Variants in SURF1 observed in about 807,000 individuals in gnomAD.
SURF1 encodes the protein surfeit locus protein 1.
SURF1 carries 45 observed loss-of-function variants against 34.1 expected under a neutral mutation model. That is an observed-to-expected ratio of 1.32 (90% CI 1.04 to 1.69). The LOEUF is 1.69. Among genes scored for constraint, SURF1 ranks in the 40% most tolerant of loss-of-function variants. The pLI is 0.00. For missense variants in SURF1, 456 were observed against 384.6 expected (o/e 1.19, Z -1.55); for synonymous variants, 188 against 147.5 (o/e 1.27, Z -1.99).
At position 133,352,765 on chromosome 9, in the gene SURF1, CTCTAGGGT is replaced by C; in HGVS notation, c.516-7_516del. Reference sequence around the variant, plus strand: ...AACCCTCTATTTACCAGGATGGTGACTCTAGGGTAATGAAAGTGCTACTTCAGGTGGGG... The same window carrying C: ...AACCCTCTATTTACCAGGATGGTGACAATGAAAGTGCTACTTCAGGTGGGG... On this transcript the variant is annotated splice_acceptor_variant and splice_polypyrimidine_tract_variant and coding_sequence_variant and intron_variant, in exon 6 of 9. Coordinates refer to ENST00000371974, the MANE Select transcript of SURF1 (RefSeq NM_003172.4). LOFTEE classifies it high-confidence loss of function. The C allele has an allele frequency of 1.2e-6, 2 of 1,610,216 alleles. No homozygotes were observed. The highest frequency in any genetic ancestry group is 1.7e-6 in the Non-Finnish European group (2 of 1,178,710).
At chr9:133,352,845 T>A in intron 5 of SURF1, 79 bp from the exon 6 acceptor site, 6 of 1,425,404 alleles carry the variant, frequency 4.2e-6, no homozygotes, top group Non-Finnish European at 5.8e-6. Flanking sequence ...CAGGCACCCA[T>A]AGGAACAACT....
Position 133,352,534 on chromosome 9 carries a change from A to C in SURF1, c.663T>G (p.Asn221Lys), listed in dbSNP as rs1432236286. The C allele has an allele frequency of 3.1e-6, 5 of 1,614,158 alleles. No individual in the cohort carries two copies. The highest frequency in any genetic ancestry group is 4.2e-6 in the Non-Finnish European group (5 of 1,180,038). Residue 221 changes from asparagine to lysine, a missense_variant, in exon 7 of 9, where the codon AAT becomes AAG. Coordinates refer to ENST00000371974, the MANE Select transcript of SURF1 (RefSeq NM_003172.4). ...GATAATGCCAGTGGTTCCTTTCTGG[A>C]TTGTTCTCAGGGACAAAAGGCTGCC... ...ETRQPFVPEN[N>K]PERNHWHYRD...
At chr9:133,352,787 C>A in intron 5 of SURF1, 21 bp from the exon 6 acceptor site, 1 of 1,603,228 alleles carries the variant, frequency 6.2e-7, no homozygotes, top group South Asian at 1.1e-5. Context: ...GAAAGTGCTA[C>A]TTCAGGTGGG....
chr9:133,356,109 A>C, intron 2 of SURF1, 160 bp downstream of exon 2: 1 of 986,926 alleles, frequency 1.0e-6, no homozygotes, highest in Non-Finnish European at 1.5e-6. Flanking sequence ...CCACAATTCC[A>C]CTGAAAGCAT....
chr9:133,355,520 G>C (rs2130021885), intron 2 of SURF1, among the ~76,000 whole-genome samples: 2 of 152,330 alleles, frequency 1.3e-5, no homozygotes, highest in East Asian at 3.9e-4. Flanking sequence ...GGTGGTTGCT[G>C]TAAGCCGAGA....
chr9:133,352,188 C>T, intron 7 of SURF1, 46 bp from the exon 8 acceptor site: 1 of 1,539,882 alleles, frequency 6.5e-7, no homozygotes, highest in Non-Finnish European at 8.8e-7. Context: ...GGCCTGCCAG[C>T]CTCTGCACCA....
chr9:133,352,651 T>C (rs2130008970), intron 6 of SURF1, 43 bp from the exon 7 acceptor site: 11 of 1,613,732 alleles, frequency 6.8e-6, no homozygotes, highest in Admixed American at 1.7e-5. Context: ...CCTGGTGGAC[T>C]CCCAGAGCCT....
Position 133,352,782 on chromosome 9 carries a change from T to C in SURF1, c.516-16A>G. ...GATGGTGACTCTAGGGTAATGAAAG[T>C]GCTACTTCAGGTGGGGAGGGTTTTT... On this transcript the variant is annotated splice_polypyrimidine_tract_variant and intron_variant, in intron 5 of 8. Transcript: ENST00000371974. 2 of 1,606,036 alleles carry C rather than the reference T, an allele frequency of 1.2e-6. No individual in the cohort carries two copies. The highest frequency in any genetic ancestry group is 1.7e-6 in the Non-Finnish European group (2 of 1,176,480).
rs1227317118 is a variant in SURF1 at position 133,353,852 on chromosome 9, T to G, written c.412A>C (p.Thr138Pro). The G allele has an allele frequency of 4.3e-6, 7 of 1,613,680 alleles. No individual in the cohort carries two copies. Among genetic ancestry groups the G allele is most frequent in the African/African-American group, 4.0e-5 (3 of 74,906 alleles). Residue 138 changes from threonine to proline, a missense_variant, in exon 5 of 9, where the codon ACC (threonine) becomes CCC (proline). By Grantham distance (38) the Thr-to-Pro change is conservative. Transcript: ENST00000371974. ...HSKELYMMPRTMVDPVREARE... is the reference protein window; with the variant it reads ...HSKELYMMPRPMVDPVREARE... ...GCCTCCCGGACAGGGTCCACCATGGTCCGGGGCATCATATACAGCTCCTTG... is the reference window on the plus strand; with the variant it reads ...GCCTCCCGGACAGGGTCCACCATGGGCCGGGGCATCATATACAGCTCCTTG...
chr9:133,352,481 G>A lies in SURF1; in HGVS notation c.716C>T (p.Thr239Ile), dbSNP rs1836452180. Residue 239 changes from threonine (T) to isoleucine (I), a missense_variant, in exon 7 of 9, where the codon ACA becomes ATA. Coordinates refer to ENST00000371974, the MANE Select transcript of SURF1 (RefSeq NM_003172.4). ...YRDLEAMARI[T>I]GAEPIFIDAN... ...ATCAATGAAGATGGGCTCTGCGCCT[G>A]TGATTCTGGCCATAGCTTCCAGGTC... is the stretch of plus-strand genomic sequence containing the variant. The A allele has an allele frequency of 6.2e-7, 1 of 1,614,118 alleles. No individual in the cohort carries two copies. The highest frequency in any genetic ancestry group is 8.5e-7 in the Non-Finnish European group (1 of 1,180,058).
Position 133,354,755 on chromosome 9 carries a change from G to C in SURF1, c.241-14C>G. On this transcript the variant is annotated splice_polypyrimidine_tract_variant and intron_variant, in intron 3 of 8. Transcript: ENST00000371974. ...CCGACGCTGGACCTACAGTGACAGA[G>C]CATAAGGCCAAGCAGATGGCAGCAA... 1 of 1,613,738 alleles carries C rather than the reference G, an allele frequency of 6.2e-7. No homozygotes were observed. Among genetic ancestry groups the C allele is most frequent in the Non-Finnish European group, 8.5e-7 (1 of 1,180,044 alleles).
intron 7 of SURF1, 101 bp downstream of exon 7, chr9:133,352,345 T>A (rs1836443816): frequency 1.9e-6 from 3 of 1,584,816 alleles, no homozygotes; most frequent in Admixed American, 1.7e-5. Flanking sequence ...TATACACATG[T>A]GAGAACATAA....
chr9:133,355,072 A>G, intron 2 of SURF1, 115 bp from the exon 3 acceptor site: 1 of 1,369,252 alleles, frequency 7.3e-7, no homozygotes, highest in South Asian at 1.2e-5. Context: ...CCTAGAGCCA[A>G]CTAGCAGCAC....
intron 2 of SURF1, among the ~76,000 whole-genome samples, 182 bp from the exon 3 acceptor site, chr9:133,355,139 T>C (rs2130020749): frequency 3.3e-5 from 5 of 152,232 alleles, no homozygotes; most frequent in African/African-American, 1.2e-4. Context: ...ACAGTACGTC[T>C]GCCAAGTGAG....
intron 1 of SURF1, 30 bp downstream of exon 1, chr9:133,356,370 C>CGCACCCCGCACCCA: frequency 7.3e-7 from 1 of 1,374,706 alleles, no homozygotes; most frequent in Non-Finnish European, 9.4e-7. Context: ...CCCCGCGCCC[C>CGCACCCCGCACCCA]GCACCCCGCA....
In SURF1 at chr9:133,354,945, C is replaced by G; in HGVS notation, c.119G>C (p.Arg40Thr). Residue 40 changes from arginine to threonine, a missense_variant, in exon 3 of 9, where the codon AGG becomes ACG. Physicochemically the swap from Arg to Thr is moderately conservative, Grantham distance 71. Transcript: ENST00000371974. ...TGCAGAACTGCCACATCTGCTTGGC[C>G]TCCAGGCCACCCCTGGAGAGTTTCA... ...RVSPRPGVAW[R>T]PSRCGSSAAE... is the part of the protein sequence containing the mutation. The G allele has an allele frequency of 6.2e-7, 1 of 1,613,488 alleles. No homozygotes were observed. The highest frequency in any genetic ancestry group is 8.5e-7 in the Non-Finnish European group (1 of 1,180,038).
Position 133,354,750 on chromosome 9 carries a change from A to G in SURF1, c.241-9T>C, listed in dbSNP as rs2130018300. The G allele has an allele frequency of 6.2e-7, 1 of 1,613,682 alleles. No homozygotes were observed. The highest frequency in any genetic ancestry group is 8.5e-7 in the Non-Finnish European group (1 of 1,180,028). The stretch of plus-strand genomic sequence containing the variant: ...CACTTCCGACGCTGGACCTACAGTG[A>G]CAGAGCATAAGGCCAAGCAGATGGC... On this transcript the variant is annotated splice_polypyrimidine_tract_variant and intron_variant, in intron 3 of 8. Coordinates refer to ENST00000371974, the MANE Select transcript of SURF1 (RefSeq NM_003172.4).
chr9:133,354,743 T>G lies in SURF1; in HGVS notation c.241-2A>C, dbSNP rs2130018260. The G allele has an allele frequency of 1.9e-6, 3 of 1,613,684 alleles. No individual in the cohort carries two copies. The South Asian group carries it at 3.3e-5, about 18-fold the overall frequency. On this transcript the variant is annotated splice_acceptor_variant, in intron 3 of 8. Coordinates refer to ENST00000371974, the MANE Select transcript of SURF1 (RefSeq NM_003172.4). LOFTEE classifies it high-confidence loss of function. ...CAGCTTCCACTTCCGACGCTGGACC[T>G]ACAGTGACAGAGCATAAGGCCAAGC...
At chr9:133,353,598 G>A in intron 5 of SURF1, 151 bp downstream of exon 5, 1 of 871,138 alleles carries the variant, frequency 1.1e-6, no homozygotes, top group Admixed American at 1.8e-5. Context: ...CACAATTAGG[G>A]ACTTAAACTA....
Sources: allele counts gnomAD v4.1 joint callset (sites outside exome capture counted in the v4.1 genomes callset), GRCh38; gene constraint gnomAD v4.1.1; transcripts MANE v1.5; gene names NCBI Gene and HGNC (gene_info 2026-07-23, HGNC 2026-07-21).